Variants in LRRC3B observed in about 807,000 individuals in gnomAD.
LRRC3B encodes the protein leucine-rich repeat-containing protein 3B.
LRRC3B carries 2 observed loss-of-function variants against 12.8 expected under a neutral mutation model. That is an observed-to-expected ratio of 0.16 (90% CI 0.06 to 0.49). The LOEUF (loss-of-function observed/expected upper bound fraction) is 0.49. LRRC3B is among the 20% of genes least tolerant of loss of function. The pLI, the probability that LRRC3B is intolerant of heterozygous loss-of-function variation, is 0.96. For missense variants in LRRC3B, 189 were observed against 319.4 expected, an observed-to-expected ratio of 0.59 and a Z score of 3.11; for synonymous variants, 132 against 122.0, an observed-to-expected ratio of 1.08 and a Z score of -0.54.
At chr3:26,629,017 C>T (rs1698693147) in intron 1 of LRRC3B, among the ~76,000 whole-genome samples, 1 of 152,028 alleles carries the variant, frequency 6.6e-6, no homozygotes, top group Non-Finnish European at 1.5e-5. Context: ...CCTTTTCAGA[C>T]AGTTTAAAAA....
chr3:26,644,993 T>C (rs1011761915), intron 1 of LRRC3B, among the ~76,000 whole-genome samples: 1 of 152,070 alleles, frequency 6.6e-6, no homozygotes, highest in Non-Finnish European at 1.5e-5. Flanking sequence ...CATACAGACA[T>C]ACATACATAT....
At chr3:26,670,419 T>C (rs1699695887) in intron 1 of LRRC3B, among the ~76,000 whole-genome samples, 1 of 152,238 alleles carries the variant, frequency 6.6e-6, no homozygotes, top group Non-Finnish European at 1.5e-5. Context: ...TGTGTTATGA[T>C]TCCGAGGGCT....
chr3:26,664,116 A>C (rs186239592), intron 1 of LRRC3B, among the ~76,000 whole-genome samples: 2 of 152,094 alleles, frequency 1.3e-5, no homozygotes, highest in South Asian at 4.2e-4. Context: ...CCCCTCTCCA[A>C]TTTGAACTAG....
In LRRC3B at chr3:26,653,827, C is replaced by A. The variant is rs898719777; in HGVS notation, c.-161+30590C>A. ...GTGTGTCCTGAAGTAGTTAGCATGA[C>A]CACACAAAGATACCTTATTGAAAAC... On this transcript the variant is annotated intron_variant, in intron 1 of 1. Transcript: ENST00000396641. Among the ~76,000 whole-genome samples the A allele has an allele frequency of 6.6e-5, 10 of 152,112 alleles. No individual in the cohort carries two copies. In the East Asian group the frequency reaches 1.9e-3, roughly 29 times the overall value.
intron 1 of LRRC3B, among the ~76,000 whole-genome samples, chr3:26,705,181 T>C (rs184900341): frequency 3.3e-5 from 5 of 152,310 alleles, no homozygotes; most frequent in Admixed American, 3.3e-4. Flanking sequence ...TTAAATGCAC[T>C]GGTTTTTTTC....
chr3:26,690,495 A>T (rs996621952), intron 1 of LRRC3B, among the ~76,000 whole-genome samples: 1 of 152,190 alleles, frequency 6.6e-6, no homozygotes, highest in Non-Finnish European at 1.5e-5. Context: ...GCAGACAATT[A>T]AATGGGTTTG....
At chr3:26,666,126 C>T (rs1188654700) in intron 1 of LRRC3B, among the ~76,000 whole-genome samples, 1 of 151,972 alleles carries the variant, frequency 6.6e-6, no homozygotes, top group Non-Finnish European at 1.5e-5. Context: ...ATAAGTTTAT[C>T]GTGGGATGCC....
chr3:26,647,234 A>G (rs1002392279), intron 1 of LRRC3B, among the ~76,000 whole-genome samples: 1 of 151,798 alleles, frequency 6.6e-6, no homozygotes, highest in African/African-American at 2.4e-5. Flanking sequence ...CCTCCAACAC[A>G]TGTTACCCTG....
intron 1 of LRRC3B, among the ~76,000 whole-genome samples, chr3:26,704,817 T>G (rs1296037909): frequency 6.6e-6 from 1 of 152,218 alleles, no homozygotes; most frequent in Non-Finnish European, 1.5e-5. Context: ...CTTAACTTTT[T>G]GCCATAGAGA....
At chr3:26,648,135 A>G (rs1311107053) in intron 1 of LRRC3B, among the ~76,000 whole-genome samples, 2 of 151,406 alleles carry the variant, frequency 1.3e-5, no homozygotes, top group East Asian at 1.9e-4. Flanking sequence ...AAGCTTTACT[A>G]TTTATAACAT....
chr3:26,683,344 C>A (rs1198109965), intron 1 of LRRC3B, among the ~76,000 whole-genome samples: 1 of 152,224 alleles, frequency 6.6e-6, no homozygotes, highest in African/African-American at 2.4e-5. Context: ...TAAATTGTAG[C>A]AGCAGCTGAA....
At chr3:26,697,983 T>C (rs1700360906) in intron 1 of LRRC3B, among the ~76,000 whole-genome samples, 1 of 152,130 alleles carries the variant, frequency 6.6e-6, no homozygotes, top group African/African-American at 2.4e-5. Flanking sequence ...GGATCCCTCT[T>C]GGAATAACAT....
intron 1 of LRRC3B, among the ~76,000 whole-genome samples, chr3:26,670,154 TCAC>T (rs746902614): frequency 5.9e-5 from 9 of 152,216 alleles, no homozygotes; most frequent in Non-Finnish European, 1.0e-4. Flanking sequence ...ACTTCTTTCA[TCAC>T]AGAAGAAATG....
intron 1 of LRRC3B, among the ~76,000 whole-genome samples, chr3:26,673,010 A>G (rs941720681): frequency 4.6e-5 from 7 of 152,188 alleles, no homozygotes; most frequent in Admixed American, 1.3e-4. Context: ...ATTTTACTCC[A>G]CTAGTCCAGT....
At chr3:26,690,018 C>T (rs1055161170) in intron 1 of LRRC3B, among the ~76,000 whole-genome samples, 1 of 152,162 alleles carries the variant, frequency 6.6e-6, no homozygotes, top group African/African-American at 2.4e-5. Context: ...GGTTCCCCAC[C>T]ACCTTCTTCC....
chr3:26,653,958 C>A (rs1381697071), intron 1 of LRRC3B, among the ~76,000 whole-genome samples: 1 of 148,128 alleles, frequency 6.8e-6, no homozygotes, highest in African/African-American at 2.5e-5. Context: ...CACCAGATGG[C>A]TATTTTTTTT....
chr3:26,666,528 C>A (rs1282622877), intron 1 of LRRC3B, among the ~76,000 whole-genome samples: 1 of 152,002 alleles, frequency 6.6e-6, no homozygotes, highest in African/African-American at 2.4e-5. Flanking sequence ...AACTGCTTGG[C>A]AATAGATACT....
chr3:26,689,541 T>A (rs762232415), intron 1 of LRRC3B, among the ~76,000 whole-genome samples: 5 of 152,300 alleles, frequency 3.3e-5, no homozygotes, highest in Non-Finnish European at 4.4e-5. Flanking sequence ...ATTTCCCCAA[T>A]GTGAGAAGCT....
At chr3:26,685,523 C>CTCTCTA (rs1200535225) in intron 1 of LRRC3B, among the ~76,000 whole-genome samples, 6 of 38,298 alleles carry the variant, frequency 1.6e-4, no homozygotes, top group Admixed American at 4.4e-4. Flanking sequence ...CTCTCTCTCT[C>CTCTCTA]TATATATATA....
Sources: gnomAD v4.1 joint callset for allele counts (sites outside exome capture counted in the v4.1 genomes callset) on GRCh38, gnomAD v4.1.1 for gene constraint, MANE v1.5 for transcripts, NCBI Gene and HGNC (gene_info 2026-07-23, HGNC 2026-07-21) for gene names.